Variants in BMP6 observed in about 807,000 individuals in gnomAD.
BMP6 encodes the protein VG-1-R.
In BMP6, 17 loss-of-function variants were observed where a neutral mutation model predicts 54.1. That is an observed-to-expected ratio of 0.31 (90% CI 0.22 to 0.47). The LOEUF (loss-of-function observed/expected upper bound fraction) is 0.47, where lower values mean the gene tolerates loss of function less well. Ranked by LOEUF, BMP6 falls within the 20% of genes least tolerant of loss-of-function variation. BMP6 has a pLI of 1.00. For synonymous variants in BMP6, 328 were observed against 291.2 expected (o/e 1.13, Z -1.28); for missense variants, 720 against 690.4 (o/e 1.04, Z -0.48).
At chr6:7,842,649 C>T (rs1287705715) in intron 1 of BMP6, among the ~76,000 whole-genome samples, 3 of 152,338 alleles carry the variant, frequency 2.0e-5, no homozygotes, top group South Asian at 2.1e-4. Context: ...AGCCACAGAG[C>T]CAGCTCAGAG....
At chr6:7,753,220 A>C (rs1401901811) in intron 1 of BMP6, among the ~76,000 whole-genome samples, 3 of 152,226 alleles carry the variant, frequency 2.0e-5, no homozygotes, top group Non-Finnish European at 2.9e-5. Context: ...TGTCTCTTCT[A>C]AAGTGACTTC....
chr6:7,839,255 C>G (rs1758926074), intron 1 of BMP6, among the ~76,000 whole-genome samples: 1 of 152,198 alleles, frequency 6.6e-6, no homozygotes, highest in Non-Finnish European at 1.5e-5. Context: ...GCCTCACACT[C>G]CTGGGCTCAA....
chr6:7,811,659 G>C (rs1758438057), intron 1 of BMP6, among the ~76,000 whole-genome samples: 1 of 152,128 alleles, frequency 6.6e-6, no homozygotes, highest in Non-Finnish European at 1.5e-5. Context: ...GACTGTAACG[G>C]GAGTTACACA....
chr6:7,776,976 A>G (rs946955981), intron 1 of BMP6, among the ~76,000 whole-genome samples: 8 of 152,200 alleles, frequency 5.3e-5, no homozygotes, highest in Non-Finnish European at 8.8e-5. Context: ...TCTACGCCCA[A>G]ATGTTTTCTT....
At chr6:7,771,465 AC>A (rs937665526) in intron 1 of BMP6, among the ~76,000 whole-genome samples, 81 of 152,324 alleles carry the variant, frequency 5.3e-4, no homozygotes, top group Middle Eastern at 3.4e-3. Context: ...TGTATATAGC[AC>A]CCACATAAGG....
intron 4 of BMP6, among the ~76,000 whole-genome samples, chr6:7,864,922 G>A (rs1759395470): frequency 6.6e-6 from 1 of 151,860 alleles, no homozygotes; most frequent in African/African-American, 2.4e-5. Context: ...CCAATGGTAG[G>A]CTTCAATTTA....
At chr6:7,791,570 C>G (rs552061625) in intron 1 of BMP6, among the ~76,000 whole-genome samples, 2 of 152,224 alleles carry the variant, frequency 1.3e-5, no homozygotes, top group African/African-American at 4.8e-5. Flanking sequence ...AGCTGCTGCC[C>G]CTTAACCCAG....
intron 1 of BMP6, among the ~76,000 whole-genome samples, chr6:7,745,549 G>T (rs1757333619): frequency 6.6e-6 from 1 of 152,216 alleles, no homozygotes; most frequent in African/African-American, 2.4e-5. Context: ...GAGATTACAG[G>T]CGTGAGCCAC....
At chr6:7,860,536 C>T (rs1164378385) in intron 2 of BMP6, among the ~76,000 whole-genome samples, 1 of 152,186 alleles carries the variant, frequency 6.6e-6, no homozygotes, top group East Asian at 1.9e-4. Flanking sequence ...CGTCATCCCA[C>T]AGCCCCTTGA....
At chr6:7,822,438 ATCT>A (rs923864103) in intron 1 of BMP6, among the ~76,000 whole-genome samples, 4 of 151,894 alleles carry the variant, frequency 2.6e-5, no homozygotes, top group Non-Finnish European at 5.9e-5. Context: ...GTCCCTGAAA[ATCT>A]TCTTTCCCCT....
intron 1 of BMP6, among the ~76,000 whole-genome samples, chr6:7,763,701 T>C (rs918060923): frequency 4.6e-5 from 7 of 152,150 alleles, no homozygotes; most frequent in African/African-American, 1.7e-4. Context: ...GTGGGGACAC[T>C]GCCCCTCCAT....
rs1473397900 is a variant in BMP6, at chr6:7,726,446, C to T, written c.-510C>T. ...CTGGGCCCTGCAACGGGGTAAACTT[C>T]ATGGTGGCCCTGCGATCTGGGGAGG... On this transcript the variant is annotated 5_prime_UTR_variant, in exon 1 of 7. Coordinates refer to ENST00000283147, the MANE Select transcript of BMP6 (RefSeq NM_001718.6). Among the ~76,000 whole-genome samples, 2 of 152,188 alleles carry T rather than the reference C, an allele frequency of 1.3e-5. No homozygotes were observed. The highest frequency in any genetic ancestry group is 4.1e-4 in the South Asian group (2 of 4,828).
Position 7,880,243 on chromosome 6 carries a change from C to G in BMP6, c.1442C>G (p.Thr481Ser). 6.2e-7 allele frequency: 1 copy of G among 1,614,188 alleles called. No individual in the cohort carries two copies. The highest frequency in any genetic ancestry group is 8.5e-7 in the Non-Finnish European group (1 of 1,180,032). Residue 481 changes from threonine to serine, a missense_variant, in exon 7 of 7, where the codon ACT (threonine) becomes AGT (serine). By Grantham distance (58) the Thr-to-Ser change is moderately conservative (BLOSUM62 1). Transcript: ENST00000283147. ...EYVPKPCCAPTKLNAISVLYF... is the reference protein window; with the variant it reads ...EYVPKPCCAPSKLNAISVLYF... Reference sequence around the variant, plus strand: ...GTCCCCAAACCGTGCTGTGCGCCAACTAAGCTAAATGCCATCTCGGTTCTT... The same window carrying G: ...GTCCCCAAACCGTGCTGTGCGCCAAGTAAGCTAAATGCCATCTCGGTTCTT...
chr6:7,879,964 T>G, intron 5 of BMP6, 27 bp from the exon 6 acceptor site: 1 of 1,600,844 alleles, frequency 6.2e-7, no homozygotes, highest in Non-Finnish European at 8.6e-7. Flanking sequence ...TGCTCATCTT[T>G]TGTTGCTTCC....
chr6:7,881,619 GTTGTGTGTA>G lies in BMP6; in HGVS notation c.*1277_*1285del, dbSNP rs3031020. ...ACAAGACTCGTGATGCAAAGCTGAAGTTGTGTGTACAAGACTCTTGACAGTTGTGCTTCT... is the reference window on the plus strand; with the variant it reads ...ACAAGACTCGTGATGCAAAGCTGAAGCAAGACTCTTGACAGTTGTGCTTCT... On this transcript the variant is annotated 3_prime_UTR_variant, in exon 7 of 7. Transcript: ENST00000283147. 0.21 allele frequency: 31,739 copies of G among 152,066 alleles called. 4,819 individuals carry two copies. Among genetic ancestry groups the G allele is most frequent in the African/African-American group, 0.44 (18,094 of 41,388 alleles). The allele number at this position is 152,066 out of a possible 1,614,324, so 9.4% of individuals were successfully genotyped here.
At chr6:7,727,695 G>A (rs1477158029) in intron 1 of BMP6, 76 bp downstream of exon 1, 3 of 1,390,710 alleles carry the variant, frequency 2.2e-6, no homozygotes, top group Admixed American at 3.4e-5. Context: ...ATGGAGTGAG[G>A]GGGTGGAGGA....
chr6:7,787,406 G>A (rs1048602212), intron 1 of BMP6, among the ~76,000 whole-genome samples: 1 of 152,176 alleles, frequency 6.6e-6, no homozygotes, highest in Non-Finnish European at 1.5e-5. Flanking sequence ...GGCGTGTTTG[G>A]CCAGCTCTCA....
chr6:7,741,744 T>C (rs554756669), intron 1 of BMP6, among the ~76,000 whole-genome samples: 4 of 152,316 alleles, frequency 2.6e-5, no homozygotes, highest in African/African-American at 9.6e-5. Context: ...AGAGCAGCAT[T>C]CTAATTTCTG....
chr6:7,778,573 G>T lies in BMP6; in HGVS notation c.664+50954G>T, dbSNP rs1211206015. Among the ~76,000 whole-genome samples the T allele has an allele frequency of 3.3e-5, 5 of 151,532 alleles. No homozygotes were observed. In the East Asian group the frequency reaches 5.8e-4, roughly 17 times the overall value. ...GAGCTGCTTCCTAGACATTGTTTCTGTGGTGGTAAACTTTGGAGTTTCAAA... is the reference window on the plus strand; with the variant it reads ...GAGCTGCTTCCTAGACATTGTTTCTTTGGTGGTAAACTTTGGAGTTTCAAA... On this transcript the variant is annotated intron_variant, in intron 1 of 6. Transcript: ENST00000283147.
Sources: gnomAD v4.1 joint callset for allele counts (sites outside exome capture counted in the v4.1 genomes callset) on GRCh38, gnomAD v4.1.1 for gene constraint, MANE v1.5 for transcripts, NCBI Gene and HGNC (gene_info 2026-07-23, HGNC 2026-07-21) for gene names.